CDH18: variants seen among roughly 807,000 people sequenced by gnomAD.
The protein encoded by CDH18 is cadherin-18.
Under a neutral mutation model 67.9 loss-of-function variants are expected in CDH18, and 31 were observed. The observed-to-expected ratio is 0.46, with a 90% CI of 0.34 to 0.62. The LOEUF is 0.62. Ranked by LOEUF, CDH18 falls within the 20% of genes least tolerant of loss-of-function variation. CDH18 has a pLI of 0.01. For missense variants in CDH18, 890 were observed against 975.5 expected (o/e 0.91, Z 1.17); for synonymous variants, 362 against 347.2 (o/e 1.04, Z -0.48).
intron 2 of CDH18, among the ~76,000 whole-genome samples, chr5:20,056,399 TG>T (rs1239851492): frequency 6.7e-6 from 1 of 148,622 alleles, no homozygotes; most frequent in African/African-American, 2.5e-5. Flanking sequence ...TTTGTTTGTT[TG>T]TTTGTTTTTT....
At chr5:19,961,553 C>A (rs938949630) in intron 2 of CDH18, among the ~76,000 whole-genome samples, 3 of 152,006 alleles carry the variant, frequency 2.0e-5, no homozygotes, top group African/African-American at 7.3e-5. Context: ...GGAGTGTACC[C>A]ACTTCAGCAC....
At chr5:20,076,709 C>T (rs973073899) in intron 2 of CDH18, among the ~76,000 whole-genome samples, 10 of 152,010 alleles carry the variant, frequency 6.6e-5, no homozygotes, top group Non-Finnish European at 1.3e-4. Flanking sequence ...CTGACAAGTT[C>T]GCATTTCTGT....
At chr5:20,446,741 T>TA (rs1313618200) in intron 1 of CDH18, among the ~76,000 whole-genome samples, 17 of 152,188 alleles carry the variant, frequency 1.1e-4, no homozygotes, top group Admixed American at 1.1e-3. Flanking sequence ...TTTCCAAATT[T>TA]AAAAAGGCAC....
chr5:20,497,983 C>A (rs1754011361), intron 1 of CDH18, among the ~76,000 whole-genome samples: 1 of 152,010 alleles, frequency 6.6e-6, no homozygotes, highest in South Asian at 2.1e-4. Context: ...TTGCCCTTTC[C>A]CCCTGTGACA....
rs1440769989 is a variant in CDH18, at chr5:20,236,977, C to T, written c.-518+18467G>A. On this transcript the variant is annotated intron_variant, in intron 2 of 14. Transcript: ENST00000507958. ...AAACAAAAAGAAAGAAAAGAAAAGA[C>T]AGTGCATTAAGATAAAGATAGCTTA... Among the ~76,000 whole-genome samples, 6 of 151,838 alleles carry T rather than the reference C, an allele frequency of 4.0e-5. No individual in the cohort carries two copies. The East Asian group carries it at 5.8e-4, about 15-fold the overall frequency.
At chr5:19,828,682 C>T (rs1268129704) in intron 3 of CDH18, among the ~76,000 whole-genome samples, 2 of 152,254 alleles carry the variant, frequency 1.3e-5, no homozygotes, top group South Asian at 2.1e-4. Context: ...TGGTAAAATA[C>T]AACATCGCTT....
At chr5:19,952,606 A>C (rs1483940078) in intron 2 of CDH18, among the ~76,000 whole-genome samples, 1 of 152,234 alleles carries the variant, frequency 6.6e-6, no homozygotes, top group Non-Finnish European at 1.5e-5. Flanking sequence ...ATAAATAAAC[A>C]TATTAATATC....
intron 2 of CDH18, among the ~76,000 whole-genome samples, chr5:20,122,824 A>G (rs1020491421): frequency 6.8e-6 from 1 of 148,002 alleles, no homozygotes; most frequent in African/African-American, 2.5e-5. Flanking sequence ...ATATATATAT[A>G]TATACATATA....
chr5:19,745,120 T>G lies in CDH18; in HGVS notation c.523+1822A>C, dbSNP rs77325047. Among the ~76,000 whole-genome samples, 1,284 of 152,324 alleles carry G rather than the reference T, an allele frequency of 8.4e-3. 18 individuals are homozygous for G. Among genetic ancestry groups the G allele is most frequent in the African/African-American group, 0.03 (1,242 of 41,574 alleles). ...TCCCACAATATCCACAATTTTATGT[T>G]TGTTTCTGTGGCTACTAGCTACTTC... On this transcript the variant is annotated intron_variant, in intron 4 of 12. Transcript: ENST00000382275.
intron 1 of CDH18, among the ~76,000 whole-genome samples, chr5:20,412,250 C>T (rs1024202371): frequency 1.3e-5 from 2 of 151,916 alleles, no homozygotes; most frequent in Non-Finnish European, 2.9e-5. Context: ...ACAAAATCTA[C>T]AAAAATAAAC....
At position 20,419,462 on chromosome 5, in the gene CDH18, G is replaced by GTTTTTTTTTTTTT. The variant is rs202130030; in HGVS notation, c.-580+155987_-580+155999dup. Reference sequence around the variant, plus strand: ...CCAACCACCCAGGGTATGGGACTCTGTTTTTTTTTTTTTTTTTTTTTTTTT... The same window carrying GTTTTTTTTTTTTT: ...CCAACCACCCAGGGTATGGGACTCTGTTTTTTTTTTTTTTTTTTTTTTTTTTTTTTTTTTTTTT... On this transcript the variant is annotated intron_variant, in intron 1 of 14. Coordinates refer to the CDH18 transcript ENST00000507958. 2.0e-4 allele frequency among the ~76,000 whole-genome samples: 15 copies of GTTTTTTTTTTTTT among 75,656 alleles called. 2 individuals carry two copies. The highest frequency in any genetic ancestry group is 1.2e-3 in the South Asian group (3 of 2,544). The allele number at this position is 75,656 out of a possible 152,430, so 49.6% of individuals were successfully genotyped here.
chr5:20,043,901 T>A (rs1014187097), intron 2 of CDH18, among the ~76,000 whole-genome samples: 5 of 152,148 alleles, frequency 3.3e-5, no homozygotes, highest in Non-Finnish European at 7.4e-5. Context: ...AGAATTATAA[T>A]TGCAAGCAGA....
intron 11 of CDH18, among the ~76,000 whole-genome samples, chr5:19,501,547 A>G (rs954849746): frequency 7.2e-5 from 11 of 151,854 alleles, no homozygotes; most frequent in African/African-American, 2.4e-4. Flanking sequence ...GGGATTCAAT[A>G]ATAGCAAAAT....
At chr5:19,996,021 T>C (rs1735986198) in intron 2 of CDH18, among the ~76,000 whole-genome samples, 1 of 152,128 alleles carries the variant, frequency 6.6e-6, no homozygotes, top group African/African-American at 2.4e-5. Context: ...AGGCAAATGT[T>C]CAAAATCATT....
Position 20,574,868 on chromosome 5 carries a change from C to A in CDH18, c.-580+594G>T, listed in dbSNP as rs1036091527. Among the ~76,000 whole-genome samples the A allele has an allele frequency of 6.6e-5, 10 of 152,130 alleles. No individual in the cohort carries two copies. The East Asian group carries it at 1.7e-3, about 27-fold the overall frequency. ...CACATTTCTTTGCCTTAGCTCAATA[C>A]TTTCTTAAGCACAAATGCTGACCAT... On this transcript the variant is annotated intron_variant, in intron 1 of 14. Coordinates refer to the CDH18 transcript ENST00000507958.
At chr5:20,438,189 G>A (rs1749322357) in intron 1 of CDH18, among the ~76,000 whole-genome samples, 1 of 150,304 alleles carries the variant, frequency 6.7e-6, no homozygotes, top group Non-Finnish European at 1.5e-5. Context: ...CATGGATCAA[G>A]GAATGAATTT....
chr5:19,675,729 C>T (rs1485008842), intron 5 of CDH18, among the ~76,000 whole-genome samples: 6 of 151,722 alleles, frequency 4.0e-5, no homozygotes, highest in East Asian at 1.9e-4. Context: ...CCTCAGCTTA[C>T]GAAGATGACA....
In CDH18 at chr5:19,502,800, T is replaced by C. The variant is rs544476028; in HGVS notation, c.1630+192A>G. 140 of 576,682 alleles carry C rather than the reference T, an allele frequency of 2.4e-4. 1 individual carries two copies. The highest frequency in any genetic ancestry group is 2.2e-3 in the Admixed American group (74 of 33,762). 35.7% of individuals were successfully genotyped at this position (576,682 alleles called of 1,614,324 possible). A position where few individuals can be genotyped will look rare whatever the true frequency, so the allele number is the denominator to read the frequency against. ...GTTTAAAGAGATGCTTCTGAATAAA[T>C]TCAATGAAAGTTATTTGTACATATG... On this transcript the variant is annotated intron_variant, in intron 11 of 12. Transcript: ENST00000382275.
intron 2 of CDH18, among the ~76,000 whole-genome samples, chr5:20,032,020 A>G (rs1262854829): frequency 2.6e-5 from 4 of 152,020 alleles, no homozygotes; most frequent in Admixed American, 6.6e-5. Flanking sequence ...CTGACCTACC[A>G]ATCCACACAG....
Sources: gnomAD v4.1 joint callset for allele counts (sites outside exome capture counted in the v4.1 genomes callset) on GRCh38, gnomAD v4.1.1 for gene constraint, MANE v1.5 for transcripts, NCBI Gene and HGNC (gene_info 2026-07-23, HGNC 2026-07-21) for gene names.